Variants in SLC24A2 observed in about 807,000 individuals in gnomAD.
SLC24A2 encodes sodium/potassium/calcium exchanger 2.
A neutral mutation model predicts 62.0 loss-of-function variants in SLC24A2; 36 were observed. The ratio of observed to expected loss-of-function variants is 0.58; its 90% CI spans 0.44 to 0.77. The LOEUF is 0.77. Ranked by LOEUF, SLC24A2 falls within the 30% of genes least tolerant of loss-of-function variation. The pLI, the probability that SLC24A2 is intolerant of heterozygous loss-of-function variation, is 0.00. For synonymous variants in SLC24A2, 358 were observed against 294.0 expected (o/e 1.22, Z -2.23); for missense variants, 846 against 817.9 (o/e 1.03, Z -0.42).
chr9:20,221,688 C>T, the SLC24A2 span, among the ~76,000 whole-genome samples: 2 of 151,890 alleles, frequency 1.3e-5, no homozygotes, highest in Non-Finnish European at 2.9e-5. Context: ...ACCGGCAGAA[C>T]ATCAAAGAAA....
chr9:19,950,942 A>C, the SLC24A2 span, among the ~76,000 whole-genome samples: 1 of 152,230 alleles, frequency 6.6e-6, no homozygotes, highest in African/African-American at 2.4e-5. Context: ...TTGTGACCAC[A>C]GGAAATCTGT....
chr9:19,884,017 A>C, the SLC24A2 span, among the ~76,000 whole-genome samples: 1 of 152,162 alleles, frequency 6.6e-6, no homozygotes, highest in Non-Finnish European at 1.5e-5. Context: ...GATCTCATCG[A>C]GTACAATGGC....
At chr9:20,109,258 C>T in the SLC24A2 span, among the ~76,000 whole-genome samples, 1 of 152,166 alleles carries the variant, frequency 6.6e-6, no homozygotes. Flanking sequence ...AACCTCAAAT[C>T]TAATGCAGAC....
At chr9:20,032,076 A>T in the SLC24A2 span, among the ~76,000 whole-genome samples, 1 of 152,140 alleles carries the variant, frequency 6.6e-6, no homozygotes, top group Admixed American at 6.5e-5. Context: ...ATGGGCTCCT[A>T]TGTATTTCCT....
the SLC24A2 span, among the ~76,000 whole-genome samples, chr9:20,287,458 T>G: frequency 6.6e-6 from 1 of 152,012 alleles, no homozygotes; most frequent in African/African-American, 2.4e-5. Flanking sequence ...TGAGGTGGGG[T>G]GGGTTGCAGG....
At chr9:20,174,464 G>A in the SLC24A2 span, among the ~76,000 whole-genome samples, 1 of 151,632 alleles carries the variant, frequency 6.6e-6, no homozygotes, top group Non-Finnish European at 1.5e-5. Context: ...ATCTGACAAA[G>A]GACTAATATC....
the SLC24A2 span, among the ~76,000 whole-genome samples, chr9:19,936,928 G>A: frequency 2.0e-5 from 3 of 152,282 alleles, no homozygotes; most frequent in Admixed American, 6.5e-5. Context: ...AGAGCAGAGA[G>A]GTAGAGGCTG....
the SLC24A2 span, among the ~76,000 whole-genome samples, chr9:20,093,318 C>T: frequency 2.6e-3 from 399 of 152,098 alleles, 6 homozygotes; most frequent in East Asian, 0.027. Context: ...ATGATCCACC[C>T]GCCTCGGCCT....
chr9:19,793,691 C>G (rs1394753579), upstream of SLC24A2, among the ~76,000 whole-genome samples: 1 of 152,280 alleles, frequency 6.6e-6, no homozygotes, highest in East Asian at 1.9e-4. Context: ...CAATAACAAA[C>G]AGCTCCATTT....
At chr9:20,180,737 C>A in the SLC24A2 span, among the ~76,000 whole-genome samples, 18 of 152,290 alleles carry the variant, frequency 1.2e-4, no homozygotes, top group East Asian at 1.5e-3. Flanking sequence ...AAGGGAAACA[C>A]ACAAACCTCC....
At chr9:20,200,705 T>C in the SLC24A2 span, among the ~76,000 whole-genome samples, 8 of 152,326 alleles carry the variant, frequency 5.3e-5, no homozygotes, top group East Asian at 1.9e-4. Flanking sequence ...TCATGGTAAA[T>C]TGGCCTCTGC....
the SLC24A2 span, among the ~76,000 whole-genome samples, chr9:20,273,215 C>T: frequency 0.03 from 4,636 of 152,280 alleles, 96 homozygotes; most frequent in Admixed American, 0.038. Flanking sequence ...AAAGGTCACC[C>T]TCAGACACTG....
At chr9:20,282,533 T>C in the SLC24A2 span, among the ~76,000 whole-genome samples, 1 of 152,170 alleles carries the variant, frequency 6.6e-6, no homozygotes, top group Non-Finnish European at 1.5e-5. Context: ...TCATACTCTA[T>C]CAGTGATAGA....
At chr9:20,041,765 G>C in the SLC24A2 span, among the ~76,000 whole-genome samples, 3 of 152,252 alleles carry the variant, frequency 2.0e-5, no homozygotes, top group Non-Finnish European at 4.4e-5. Context: ...TGGCCAAATG[G>C]CTAAGTAGCC....
At chr9:19,810,380 G>A in the SLC24A2 span, among the ~76,000 whole-genome samples, 5 of 152,202 alleles carry the variant, frequency 3.3e-5, no homozygotes, top group East Asian at 7.7e-4. Flanking sequence ...TCTGTTTTTA[G>A]AGACTAGTCT....
chr9:20,002,284 T>C, the SLC24A2 span, among the ~76,000 whole-genome samples: 5 of 152,026 alleles, frequency 3.3e-5, no homozygotes, highest in Non-Finnish European at 5.9e-5. Context: ...AAGGTGTCTC[T>C]GAGCAATGCA....
chr9:20,001,596 C>A, the SLC24A2 span, among the ~76,000 whole-genome samples: 1 of 152,180 alleles, frequency 6.6e-6, no homozygotes, highest in African/African-American at 2.4e-5. Context: ...CCTCCACTGG[C>A]AATGGCTGAG....
At chr9:19,725,535 C>T (rs1368275942) in intron 2 of SLC24A2, among the ~76,000 whole-genome samples, 1 of 152,044 alleles carries the variant, frequency 6.6e-6, no homozygotes, top group Non-Finnish European at 1.5e-5. Flanking sequence ...TCATAATAAG[C>T]TATTTTCCTA....
At chr9:19,678,264 C>A (rs1365012494) in intron 2 of SLC24A2, among the ~76,000 whole-genome samples, 2 of 152,186 alleles carry the variant, frequency 1.3e-5, no homozygotes, top group Non-Finnish European at 2.9e-5. Flanking sequence ...CACTACACCA[C>A]CCAACAATCT....
Sources: allele counts gnomAD v4.1 joint callset (sites outside exome capture counted in the v4.1 genomes callset), GRCh38; gene constraint gnomAD v4.1.1; transcripts MANE v1.5; gene names NCBI Gene and HGNC (gene_info 2026-07-23, HGNC 2026-07-21).